Variants in FBXO34 observed in about 807,000 individuals in gnomAD.
FBXO34 encodes F-box protein 34.
Under a neutral mutation model 24.5 loss-of-function variants are expected in FBXO34, and 12 were observed. The ratio of observed to expected loss-of-function variants is 0.49; its 90% confidence interval spans 0.31 to 0.79. The LOEUF (loss-of-function observed/expected upper bound fraction) is 0.79. FBXO34 is among the 30% of genes least tolerant of loss of function. The pLI, the probability that FBXO34 is intolerant of heterozygous loss-of-function variation, is 0.04. For synonymous variants in FBXO34, 320 were observed against 311.9 expected, an observed-to-expected ratio of 1.03 and a Z score of -0.27; for missense variants, 823 against 857.7, an observed-to-expected ratio of 0.96 and a Z score of 0.51.
chr14:55,330,089 T>C (rs1381322698), intron 1 of FBXO34, among the ~76,000 whole-genome samples: 2 of 152,204 alleles, frequency 1.3e-5, no homozygotes, highest in African/African-American at 4.8e-5. Context: ...ATGATGTCAC[T>C]TTTCTCTTCC....
At chr14:55,379,311 G>A in the FBXO34 span, among the ~76,000 whole-genome samples, 5 of 152,064 alleles carry the variant, frequency 3.3e-5, no homozygotes, top group Admixed American at 6.6e-5. Flanking sequence ...AGAGGAGGGC[G>A]GATCGCTTGA....
downstream of FBXO34, chr14:55,366,903 TA>T (rs1312267497): frequency 1.3e-5 from 2 of 152,660 alleles, no homozygotes; most frequent in Admixed American, 6.5e-5. Context: ...AATGTATACT[TA>T]AGAGTATTTA....
At chr14:55,400,890 T>C in the FBXO34 span, among the ~76,000 whole-genome samples, 2 of 150,114 alleles carry the variant, frequency 1.3e-5, no homozygotes, top group Non-Finnish European at 3.0e-5. Flanking sequence ...GGTGACAGAG[T>C]GAGACTGTCT....
intron 1 of FBXO34, among the ~76,000 whole-genome samples, chr14:55,300,374 C>T (rs534236203): frequency 7.2e-5 from 11 of 152,264 alleles, no homozygotes; most frequent in South Asian, 2.1e-4. Context: ...GGGTGGATCA[C>T]GAGGTCAGGA....
At chr14:55,359,661 A>C (rs563230269) in intron 3 of FBXO34, among the ~76,000 whole-genome samples, 2 of 152,314 alleles carry the variant, frequency 1.3e-5, no homozygotes, top group East Asian at 1.9e-4. Context: ...TGTATCGATT[A>C]ACTCTTCCTT....
downstream of FBXO34, among the ~76,000 whole-genome samples, chr14:55,362,673 A>G (rs1233214178): frequency 2.6e-5 from 4 of 152,162 alleles, no homozygotes; most frequent in Non-Finnish European, 5.9e-5. Flanking sequence ...TTTGAATGCA[A>G]CTGTGAAACT....
chr14:55,360,481 T>A (rs1424823725), intron 3 of FBXO34, among the ~76,000 whole-genome samples: 1 of 152,218 alleles, frequency 6.6e-6, no homozygotes, highest in African/African-American at 2.4e-5. Flanking sequence ...CACTTTTAGT[T>A]CTCTTGCTGT....
chr14:55,347,646 C>T (rs1442985213), intron 1 of FBXO34, among the ~76,000 whole-genome samples: 3 of 152,282 alleles, frequency 2.0e-5, no homozygotes, highest in Admixed American at 2.0e-4. Context: ...CCTGGGATCA[C>T]CTCCTATTTT....
the FBXO34 span, among the ~76,000 whole-genome samples, chr14:55,388,658 G>A: frequency 1.3e-5 from 2 of 152,280 alleles, no homozygotes; most frequent in Admixed American, 6.5e-5. Flanking sequence ...TTTATAATTT[G>A]TGCCCTTTCA....
intron 1 of FBXO34, among the ~76,000 whole-genome samples, chr14:55,293,587 C>G (rs1218215054): frequency 6.6e-6 from 1 of 150,964 alleles, no homozygotes; most frequent in East Asian, 1.9e-4. Flanking sequence ...GGTAAGATTT[C>G]TGTAAATCTC....
At chr14:55,348,794 G>A (rs1461773390) in intron 1 of FBXO34, among the ~76,000 whole-genome samples, 1 of 152,174 alleles carries the variant, frequency 6.6e-6, no homozygotes, top group Non-Finnish European at 1.5e-5. Context: ...GGATTTAAAA[G>A]TTGAAGGTGA....
At chr14:55,420,626 T>A in the FBXO34 span, among the ~76,000 whole-genome samples, 1 of 152,206 alleles carries the variant, frequency 6.6e-6, no homozygotes, top group African/African-American at 2.4e-5. Context: ...AAAGTCCATG[T>A]CTTGCAAGAA....
downstream of FBXO34, chr14:55,369,926 C>T: frequency 1.3e-6 from 2 of 1,597,380 alleles, no homozygotes; most frequent in Admixed American, 1.7e-5. Context: ...GGGCCCTGAC[C>T]TGTGTGCAGA....
the FBXO34 span, chr14:55,440,389 G>A: frequency 1.9e-6 from 3 of 1,613,016 alleles, no homozygotes; most frequent in Non-Finnish European, 2.5e-6. Flanking sequence ...AGTGGCGGCA[G>A]CCTCACCTGA....
chr14:55,336,208 G>T (rs1333809654), intron 1 of FBXO34, among the ~76,000 whole-genome samples: 1 of 152,040 alleles, frequency 6.6e-6, no homozygotes, highest in Non-Finnish European at 1.5e-5. Context: ...CTTTTTTATT[G>T]TTATACTTCC....
At chr14:55,285,523 C>T (rs529437692) in intron 1 of FBXO34, 4 of 152,066 alleles carry the variant, frequency 2.6e-5, no homozygotes, top group South Asian at 2.1e-4. Context: ...TAACCACTGC[C>T]GTCCAGCATT....
At chr14:55,272,069 A>G (rs905716881) in intron 1 of FBXO34, 1 of 152,226 alleles carries the variant, frequency 6.6e-6, no homozygotes, top group Non-Finnish European at 1.5e-5. Context: ...GGCTGGCGCA[A>G]GTCGACTGCG....
At chr14:55,346,733 G>C (rs988820967) in intron 1 of FBXO34, among the ~76,000 whole-genome samples, 1 of 152,134 alleles carries the variant, frequency 6.6e-6, no homozygotes, top group African/African-American at 2.4e-5. Context: ...CAATAAAAAG[G>C]CCATTTGACC....
chr14:55,295,043 T>G (rs1390397243), intron 1 of FBXO34, among the ~76,000 whole-genome samples: 1 of 152,262 alleles, frequency 6.6e-6, no homozygotes, highest in African/African-American at 2.4e-5. Flanking sequence ...ATATCTCATT[T>G]ACTTTATTGA....
Sources: allele counts gnomAD v4.1 joint callset (sites outside exome capture counted in the v4.1 genomes callset), GRCh38; gene constraint gnomAD v4.1.1; transcripts MANE v1.5; gene names NCBI Gene and HGNC (gene_info 2026-07-23, HGNC 2026-07-21).